The following COG6 variants were observed in gnomAD, a reference collection of about 807,000 sequenced individuals.
The protein encoded by COG6 is component of oligomeric golgi complex 6.
A neutral mutation model predicts 88.8 loss-of-function variants in COG6; 74 were observed. That is an observed-to-expected ratio of 0.83 (90% CI 0.69 to 1.01). The LOEUF is 1.01. Among genes scored for constraint, COG6 ranks in the 50% least tolerant of loss-of-function variants. COG6 has a pLI of 0.00. For synonymous variants in COG6, 286 were observed against 278.7 expected (o/e 1.03, Z -0.26); for missense variants, 800 against 797.9 (o/e 1.00, Z -0.03).
downstream of COG6, among the ~76,000 whole-genome samples, chr13:39,756,035 G>T (rs550640028): frequency 5.2e-4 from 79 of 152,218 alleles, no homozygotes; most frequent in African/African-American, 1.9e-3. Flanking sequence ...ATTAGACAAA[G>T]ATTTTAACTA....
intron 18 of COG6, among the ~76,000 whole-genome samples, chr13:39,783,638 C>T (rs1056268408): frequency 2.0e-5 from 3 of 152,188 alleles, no homozygotes; most frequent in Non-Finnish European, 2.9e-5. Context: ...TTAGACTACA[C>T]ACCAATCCAA....
chr13:39,677,978 C>T (rs1205403845), intron 5 of COG6: 1 of 378,120 alleles, frequency 2.6e-6, no homozygotes, highest in Non-Finnish European at 5.1e-6. Context: ...TCTACCCACT[C>T]TGTCTCCTCC....
At chr13:39,716,576 T>C (rs1267678314) in intron 13 of COG6, among the ~76,000 whole-genome samples, 2 of 152,130 alleles carry the variant, frequency 1.3e-5, no homozygotes, top group African/African-American at 4.8e-5. Flanking sequence ...TTTTTTTCTC[T>C]GTGTCCCTGT....
At chr13:39,742,616 G>A (rs540260288) in intron 18 of COG6, among the ~76,000 whole-genome samples, 1 of 152,220 alleles carries the variant, frequency 6.6e-6, no homozygotes, top group South Asian at 2.1e-4. Flanking sequence ...AGTCCTTAGA[G>A]ACCTACAAAG....
chr13:39,673,917 T>C (rs1490063327), intron 4 of COG6, among the ~76,000 whole-genome samples: 1 of 151,994 alleles, frequency 6.6e-6, no homozygotes, highest in Non-Finnish European at 1.5e-5. Flanking sequence ...AATGCCTAAA[T>C]TTTTCTCAAA....
At chr13:39,748,260 T>C (rs2138142429) in intron 18 of COG6, among the ~76,000 whole-genome samples, 1 of 152,308 alleles carries the variant, frequency 6.6e-6, no homozygotes, top group East Asian at 1.9e-4. Context: ...TTTGCATTAT[T>C]TTGTTACATT....
chr13:39,719,162 C>T (rs577597075), intron 13 of COG6, 74 bp from the exon 14 acceptor site: 3 of 1,429,298 alleles, frequency 2.1e-6, no homozygotes, highest in African/African-American at 1.4e-5. Flanking sequence ...TTTTTTTTTA[C>T]TATGAACTTA....
chr13:39,737,336 C>G (rs1259804304), intron 18 of COG6, among the ~76,000 whole-genome samples: 2 of 152,008 alleles, frequency 1.3e-5, no homozygotes, highest in African/African-American at 4.8e-5. Flanking sequence ...GCCTATGTTC[C>G]CTCAAGGTCC....
intron 18 of COG6, among the ~76,000 whole-genome samples, chr13:39,733,039 A>G (rs1016296019): frequency 1.3e-5 from 2 of 152,144 alleles, no homozygotes; most frequent in African/African-American, 4.8e-5. Flanking sequence ...TGAAAAGCTA[A>G]GTATAAAAAC....
At chr13:39,771,080 C>A (rs1052419514) in intron 18 of COG6, among the ~76,000 whole-genome samples, 3 of 152,136 alleles carry the variant, frequency 2.0e-5, no homozygotes, top group Admixed American at 2.0e-4. Flanking sequence ...CAGGTCCATG[C>A]AGACACGTGT....
chr13:39,685,324 A>T (rs964222941), intron 8 of COG6, among the ~76,000 whole-genome samples: 1 of 152,144 alleles, frequency 6.6e-6, no homozygotes, highest in Non-Finnish European at 1.5e-5. Flanking sequence ...TCTGGGAAGG[A>T]TGTTTCATGT....
At chr13:39,772,457 C>T (rs1881346992) in intron 18 of COG6, among the ~76,000 whole-genome samples, 1 of 152,190 alleles carries the variant, frequency 6.6e-6, no homozygotes, top group South Asian at 2.1e-4. Context: ...GTCTTTATTT[C>T]TTCAGCTCTC....
At chr13:39,677,835 C>G (rs763414859) in intron 5 of COG6, among the ~76,000 whole-genome samples, 2 of 152,128 alleles carry the variant, frequency 1.3e-5, no homozygotes, top group Non-Finnish European at 2.9e-5. Flanking sequence ...TTTTGTCAAC[C>G]ATTTTCAATG....
chr13:39,724,971 T>A (rs926385713), intron 17 of COG6, among the ~76,000 whole-genome samples: 1 of 151,928 alleles, frequency 6.6e-6, no homozygotes, highest in African/African-American at 2.4e-5. Flanking sequence ...AAACAGTTTA[T>A]TACTCTTTAG....
intron 13 of COG6, among the ~76,000 whole-genome samples, chr13:39,710,206 T>C (rs1878161528): frequency 6.6e-6 from 1 of 152,154 alleles, no homozygotes; most frequent in Non-Finnish European, 1.5e-5. Flanking sequence ...CTTGCACATC[T>C]TTGGTTAGAT....
intron 11 of COG6, among the ~76,000 whole-genome samples, chr13:39,692,100 G>A (rs1424931335): frequency 6.6e-6 from 1 of 151,970 alleles, no homozygotes; most frequent in African/African-American, 2.4e-5. Context: ...TTAAATATTT[G>A]TAAATGTATG....
At position 39,655,874 on chromosome 13, in the gene COG6, G is replaced by A. The variant is rs1288566224; in HGVS notation, c.148G>A (p.Asp50Asn). Residue 50 changes from aspartate (D) to asparagine (N), a missense_variant, in exon 1 of 19, where the codon GAC (aspartate) becomes AAC (asparagine). Coordinates refer to ENST00000455146, the MANE Select transcript of COG6 (RefSeq NM_020751.3). Reference sequence around the variant, plus strand: ...GATCCTGGAGACGCGGCTGGACAACGACAAGGTAACCGGGGCTGGCGGGGC... The same window carrying A: ...GATCCTGGAGACGCGGCTGGACAACAACAAGGTAACCGGGGCTGGCGGGGC... ...HKILETRLDN[D>N]KEMLEALKAL... The A allele has an allele frequency of 1.1e-5, 18 of 1,606,968 alleles. No individual in the cohort carries two copies. The highest frequency in any genetic ancestry group is 1.5e-5 in the Non-Finnish European group (18 of 1,177,812).
chr13:39,758,657 A>G (rs974883543), intron 18 of COG6, among the ~76,000 whole-genome samples: 1 of 152,192 alleles, frequency 6.6e-6, no homozygotes, highest in African/African-American at 2.4e-5. Flanking sequence ...GGTACAGCTG[A>G]TGTGGAAAAC....
At chr13:39,719,450 T>G in intron 14 of COG6, 83 bp downstream of exon 14, 1 of 1,397,002 alleles carries the variant, frequency 7.2e-7, no homozygotes. Flanking sequence ...TTGTAATTCA[T>G]ATACTTTGAC....
Sources: allele counts gnomAD v4.1 joint callset (sites outside exome capture counted in the v4.1 genomes callset), GRCh38; gene constraint gnomAD v4.1.1; transcripts MANE v1.5; gene names NCBI Gene and HGNC (gene_info 2026-07-23, HGNC 2026-07-21).